Variants in KIAA0319L observed in about 807,000 individuals in gnomAD.
The protein encoded by KIAA0319L is dyslexia-associated protein KIAA0319-like protein.
A neutral mutation model predicts 120.1 loss-of-function variants in KIAA0319L; 55 were observed. The observed-to-expected ratio is 0.46, with a 90% CI of 0.37 to 0.57. The LOEUF is 0.57. Among genes scored for constraint, KIAA0319L ranks in the 20% least tolerant of loss-of-function variants. The pLI, the probability that KIAA0319L is intolerant of heterozygous loss-of-function variation, is 0.00. For missense variants in KIAA0319L, 1,049 were observed against 1,255.3 expected (o/e 0.84, Z 2.48); for synonymous variants, 398 against 471.9 (o/e 0.84, Z 2.03).
chr1:35,529,436 A>C (rs114095004), intron 2 of KIAA0319L, among the ~76,000 whole-genome samples: 1 of 152,108 alleles, frequency 6.6e-6, no homozygotes, highest in South Asian at 2.1e-4. Flanking sequence ...ATGATGGTAG[A>C]TATTATCCTT....
chr1:35,510,658 G>C (rs1645400080), intron 2 of KIAA0319L: 1 of 151,482 alleles, frequency 6.6e-6, no homozygotes, highest in African/African-American at 2.4e-5. Flanking sequence ...GCCCAGGCTG[G>C]AGAGCAGTGG....
intron 6 of KIAA0319L, among the ~76,000 whole-genome samples, chr1:35,468,227 T>C (rs1643399382): frequency 6.6e-6 from 1 of 152,088 alleles, no homozygotes; most frequent in African/African-American, 2.4e-5. Flanking sequence ...CTTTGGCTAT[T>C]TCCTCTTTAT....
At chr1:35,547,158 T>C (rs984263239) in intron 2 of KIAA0319L, among the ~76,000 whole-genome samples, 2 of 146,406 alleles carry the variant, frequency 1.4e-5, no homozygotes, top group Non-Finnish European at 3.0e-5. Flanking sequence ...TATACATATA[T>C]AATTACATAT....
In KIAA0319L at chr1:35,448,211, G is replaced by T. The variant is rs1281903145; in HGVS notation, c.2475C>A (p.Asp825Glu). 1.2e-6 allele frequency: 2 copies of T among 1,614,016 alleles called. No homozygotes were observed. Among genetic ancestry groups the T allele is most frequent in the Non-Finnish European group, 1.7e-6 (2 of 1,179,954 alleles). The part of the protein sequence containing the change: ...IGVLLGVLDS[D>E]IIVQKIQPYT... ...ACGGCTGAATCTTTTGCACAATGAT[G>T]TCGGAATCCAGCACCCCCAGGAGGA... The change falls in exon 16 of 21, where the codon GAC becomes GAA. Residue 825 changes from aspartate to glutamate, a missense_variant. Asp to Glu is a conservative substitution (Grantham distance 45). Transcript: ENST00000325722.
At chr1:35,487,943 G>C (rs904081683) in intron 3 of KIAA0319L, among the ~76,000 whole-genome samples, 2 of 152,136 alleles carry the variant, frequency 1.3e-5, no homozygotes, top group Non-Finnish European at 2.9e-5. Context: ...TCAGGTTATG[G>C]GGGTCACCCT....
intron 2 of KIAA0319L, among the ~76,000 whole-genome samples, chr1:35,553,802 C>A (rs1236246826): frequency 1.3e-5 from 2 of 152,178 alleles, no homozygotes; most frequent in African/African-American, 4.8e-5. Context: ...AGGCTTTACC[C>A]TGGTGAAATA....
At chr1:35,474,725 A>G (rs1403712273) in intron 5 of KIAA0319L, 80 bp downstream of exon 5, 1 of 803,812 alleles carries the variant, frequency 1.2e-6, no homozygotes, top group Non-Finnish European at 2.1e-6. Flanking sequence ...CAGGAGTTTG[A>G]GACCAGCCTG....
chr1:35,462,845 G>T, intron 7 of KIAA0319L, 132 bp from the exon 8 acceptor site: 569 of 498,734 alleles, frequency 1.1e-3, no homozygotes, highest in Middle Eastern at 2.2e-3. Flanking sequence ...CCAGGGACCA[G>T]TTTTGTGGAA....
intron 12 of KIAA0319L, 121 bp from the exon 13 acceptor site, chr1:35,451,897 G>A: frequency 1.0e-6 from 1 of 987,484 alleles, no homozygotes. Context: ...CCCAGACCTT[G>A]ACAAGACATG....
At chr1:35,537,344 A>G (rs1016156462) in intron 2 of KIAA0319L, among the ~76,000 whole-genome samples, 2 of 150,378 alleles carry the variant, frequency 1.3e-5, no homozygotes, top group Non-Finnish European at 2.9e-5. Context: ...CCTGAATCAG[A>G]GCACTATTTT....
chr1:35,507,252 G>T, intron 2 of KIAA0319L, 117 bp from the exon 3 acceptor site: 2 of 992,984 alleles, frequency 2.0e-6, no homozygotes, highest in Non-Finnish European at 2.9e-6. Context: ...TTAAGAGGGT[G>T]AGAAAGCCAT....
intron 2 of KIAA0319L, among the ~76,000 whole-genome samples, chr1:35,526,370 T>C (rs1389378109): frequency 1.5e-5 from 2 of 137,222 alleles, no homozygotes; most frequent in Admixed American, 1.5e-4. Flanking sequence ...TATATATACA[T>C]ACATATATAT....
At chr1:35,477,941 T>C (rs1304850635) in intron 4 of KIAA0319L, among the ~76,000 whole-genome samples, 1 of 152,082 alleles carries the variant, frequency 6.6e-6, no homozygotes, top group Admixed American at 6.6e-5. Context: ...ATCGAAGAGG[T>C]ATCTGCACTC....
Position 35,460,422 on chromosome 1 carries a change from T to C in KIAA0319L, c.1310A>G (p.Asp437Gly). 1 of 1,613,228 alleles carries C rather than the reference T, an allele frequency of 6.2e-7. No individual in the cohort carries two copies. Among genetic ancestry groups the C allele is most frequent in the Non-Finnish European group, 8.5e-7 (1 of 1,179,486 alleles). The stretch of plus-strand genomic sequence containing the variant: ...TTCCCAATGGTACTGAACGATTTTA[T>C]CATCATCAGTGCTTTCTTGACCATA... The part of the protein sequence containing the change: ...VIDGSQSTDD[D>G]KIVQYHWEEL... Residue 437 changes from aspartate (D) to glycine (G), a missense_variant, in exon 9 of 21, where the codon GAT (aspartate) becomes GGT (glycine). Transcript: ENST00000325722.
chr1:35,494,578 T>C (rs1284475257), intron 3 of KIAA0319L, among the ~76,000 whole-genome samples: 3 of 151,826 alleles, frequency 2.0e-5, no homozygotes, highest in African/African-American at 7.3e-5. Flanking sequence ...GTGGATTGCT[T>C]GAGTCCAGGA....
At position 35,460,380 on chromosome 1, in the gene KIAA0319L, AG is replaced by A; in HGVS notation, c.1351del (p.Leu451Ter). On this transcript the variant is annotated frameshift_variant, in exon 9 of 21. Transcript: ENST00000325722. LOFTEE classifies it high-confidence loss of function. ...QYHWEELKGP[L>X]REEKISEDTA... Reference sequence around the variant, plus strand: ...ATCTTCAGAAATCTTCTCTTCTCTTAGAGGCCCCTTAAGTTCTTCCCAATGG... The same window carrying A: ...ATCTTCAGAAATCTTCTCTTCTCTTAAGGCCCCTTAAGTTCTTCCCAATGG... The A allele has an allele frequency of 6.2e-7, 1 of 1,612,034 alleles. No individual in the cohort carries two copies. Among genetic ancestry groups the A allele is most frequent in the Non-Finnish European group, 8.5e-7 (1 of 1,178,144 alleles).
chr1:35,521,535 G>C lies in KIAA0319L; in HGVS notation c.143-14400C>G, dbSNP rs1273032657. Among the ~76,000 whole-genome samples, 4 of 152,028 alleles carry C rather than the reference G, an allele frequency of 2.6e-5. No homozygotes were observed. The East Asian group carries it at 7.7e-4, about 29-fold the overall frequency. ...TGCAGTCCCAGCTACTCTGGAAGCT[G>C]AGGAGGGAGAATGGCGTGAACCCGG... On this transcript the variant is annotated intron_variant, in intron 2 of 20. Coordinates refer to ENST00000325722, the MANE Select transcript of KIAA0319L (RefSeq NM_024874.5).
intron 19 of KIAA0319L, 46 bp downstream of exon 19, chr1:35,442,200 G>T: frequency 1.4e-6 from 2 of 1,417,816 alleles, no homozygotes; most frequent in Non-Finnish European, 2.0e-6. Context: ...AGGAACGAAT[G>T]TATGACAAGA....
At chr1:35,487,499 C>A (rs181843304) in intron 3 of KIAA0319L, among the ~76,000 whole-genome samples, 71 of 152,322 alleles carry the variant, frequency 4.7e-4, no homozygotes, top group African/African-American at 1.6e-3. Context: ...AAGTGATCCA[C>A]CTGCCTTGGC....
Sources: allele counts gnomAD v4.1 joint callset (sites outside exome capture counted in the v4.1 genomes callset), GRCh38; gene constraint gnomAD v4.1.1; transcripts MANE v1.5; gene names NCBI Gene and HGNC (gene_info 2026-07-23, HGNC 2026-07-21).